Variants in TNPO1 observed in about 807,000 individuals in gnomAD.
The protein encoded by TNPO1 is transportin-1.
TNPO1 carries 8 observed loss-of-function variants against 119.5 expected under a neutral mutation model. The observed-to-expected ratio is 0.07, with a 90% CI of 0.04 to 0.12. The LOEUF (loss-of-function observed/expected upper bound fraction) is 0.12, where lower values mean the gene tolerates loss of function less well. Ranked by LOEUF, TNPO1 falls within the 10% of genes least tolerant of loss-of-function variation. The pLI, the probability that TNPO1 is intolerant of heterozygous loss-of-function variation, is 1.00. For synonymous variants in TNPO1, 362 were observed against 363.0 expected (o/e 1.00, Z 0.03); for missense variants, 576 against 1,089.8 (o/e 0.53, Z 6.64).
At chr5:72,905,257 A>G in intron 23 of TNPO1, 46 bp from the exon 24 acceptor site, 1 of 1,430,000 alleles carries the variant, frequency 7.0e-7, no homozygotes, top group Non-Finnish European at 9.7e-7. Flanking sequence ...GCTGATCTGA[A>G]TTTTTCTCTT....
intron 7 of TNPO1, among the ~76,000 whole-genome samples, chr5:72,875,003 G>GT (rs1747658201): frequency 6.6e-6 from 1 of 152,124 alleles, no homozygotes; most frequent in Non-Finnish European, 1.5e-5. Context: ...TCTTCTGCTG[G>GT]TTATCAAGTT....
At chr5:72,890,146 A>G (rs984592089) in intron 14 of TNPO1, among the ~76,000 whole-genome samples, 189 bp downstream of exon 14, 3 of 152,244 alleles carry the variant, frequency 2.0e-5, no homozygotes, top group Admixed American at 1.3e-4. Flanking sequence ...AAGTAAATAC[A>G]TACTTGGTGT....
intron 13 of TNPO1, 111 bp downstream of exon 13, chr5:72,888,414 A>G (rs1053409851): frequency 5.3e-6 from 5 of 944,540 alleles, no homozygotes; most frequent in Non-Finnish European, 7.8e-6. Context: ...GTAATTGAAA[A>G]TTTTCCAGTT....
intron 18 of TNPO1, among the ~76,000 whole-genome samples, chr5:72,894,005 A>T (rs1431816087): frequency 1.3e-5 from 2 of 152,242 alleles, no homozygotes; most frequent in Admixed American, 1.3e-4. Context: ...GGACTAGTTA[A>T]TAGATTCTTT....
intron 4 of TNPO1, among the ~76,000 whole-genome samples, chr5:72,856,158 TGGTTAAAATG>T (rs1027263769): frequency 1.3e-5 from 2 of 152,188 alleles, no homozygotes; most frequent in Non-Finnish European, 2.9e-5. Context: ...TAATCAGAGT[TGGTTAAAATG>T]GGGCATCAAC....
intron 14 of TNPO1, among the ~76,000 whole-genome samples, chr5:72,890,794 G>T (rs1748993050): frequency 1.3e-5 from 2 of 152,138 alleles, no homozygotes; most frequent in Admixed American, 6.5e-5. Flanking sequence ...AAGTTTACCT[G>T]TTGATTTAAA....
intron 7 of TNPO1, 58 bp from the exon 8 acceptor site, chr5:72,875,557 C>G: frequency 1.9e-6 from 3 of 1,561,922 alleles, no homozygotes; most frequent in South Asian, 2.3e-5. Flanking sequence ...TTGCAGATTA[C>G]TTATTACTTG....
chr5:72,855,472 C>T (rs1745921478), intron 3 of TNPO1, among the ~76,000 whole-genome samples: 1 of 152,096 alleles, frequency 6.6e-6, no homozygotes. Flanking sequence ...TATCTGGAAA[C>T]ATTTTTGGTT....
At chr5:72,840,824 T>C (rs1744879552) in intron 1 of TNPO1, among the ~76,000 whole-genome samples, 1 of 152,326 alleles carries the variant, frequency 6.6e-6, no homozygotes, top group Non-Finnish European at 1.5e-5. Flanking sequence ...CTATTTTCCA[T>C]TTTCTGTGTT....
In TNPO1 at chr5:72,897,049, T is replaced by C; in HGVS notation, c.2243-7T>C. The stretch of plus-strand genomic sequence containing the variant: ...TTTTGTTTTTTTCTTTTTGGGATGA[T>C]CTCTAGGTATAGAGATGCAGCCTTA... On this transcript the variant is annotated splice_polypyrimidine_tract_variant and splice_region_variant and intron_variant, in intron 19 of 24. Transcript: ENST00000337273. The C allele has an allele frequency of 2.6e-6, 4 of 1,556,884 alleles. No homozygotes were observed. Among genetic ancestry groups the C allele is most frequent in the Non-Finnish European group, 3.5e-6 (4 of 1,157,954 alleles).
rs566680225 is a variant in TNPO1, at chr5:72,886,546, A to G, written c.1151-524A>G. Reference sequence around the variant, plus strand: ...GTATGACAGTTATGTACAGAATACAATGTGTTCACAATTAATTTGCCAAGT... The same window carrying G: ...GTATGACAGTTATGTACAGAATACAGTGTGTTCACAATTAATTTGCCAAGT... On this transcript the variant is annotated intron_variant, in intron 11 of 24. Transcript: ENST00000337273. Among the ~76,000 whole-genome samples the G allele has an allele frequency of 1.8e-4, 27 of 152,342 alleles. No individual in the cohort carries two copies. The East Asian group carries it at 2.5e-3, about 14-fold the overall frequency.
rs193022219 is a variant in TNPO1, at chr5:72,817,321, C to T, written c.15+569C>T. ...GCCTCTTGGCCTCACGACATGTTTA[C>T]ATAATGTTTGTGACTGTACGAGTTT... On this transcript the variant is annotated intron_variant, in intron 1 of 24. Coordinates refer to ENST00000337273, the MANE Select transcript of TNPO1 (RefSeq NM_002270.4). Among the ~76,000 whole-genome samples, 239 of 152,324 alleles carry T rather than the reference C, an allele frequency of 1.6e-3. 6 individuals carry two copies. Among genetic ancestry groups the T allele is most frequent in the Admixed American group, 0.015 (231 of 15,310 alleles).
chr5:72,892,969 G>C (rs528554093), intron 15 of TNPO1, among the ~76,000 whole-genome samples, 170 bp from the exon 16 acceptor site: 1 of 133,380 alleles, frequency 7.5e-6, no homozygotes, highest in East Asian at 2.6e-4. Context: ...TAACAACAAT[G>C]AATGGCTTCC....
At chr5:72,880,571 T>C (rs1452133936) in intron 9 of TNPO1, among the ~76,000 whole-genome samples, 4 of 152,184 alleles carry the variant, frequency 2.6e-5, no homozygotes, top group Admixed American at 1.3e-4. Context: ...TCCCAGCACT[T>C]TGGGAGTCCA....
chr5:72,862,168 A>G (rs1746503103), intron 5 of TNPO1, among the ~76,000 whole-genome samples: 2 of 152,198 alleles, frequency 1.3e-5, no homozygotes, highest in Admixed American at 1.3e-4. Flanking sequence ...TTATTCTTGG[A>G]TGTATATGTA....
At position 72,862,984 on chromosome 5, in the gene TNPO1, G is replaced by T. The variant is rs551290333; in HGVS notation, c.462+1070G>T. 6.8e-3 allele frequency among the ~76,000 whole-genome samples: 864 copies of T among 127,886 alleles called. 9 individuals are homozygous for T. The highest frequency in any genetic ancestry group is 0.026 in the African/African-American group (827 of 32,120). The allele number at this position is 127,886 out of a possible 152,430, so 83.9% of individuals were successfully genotyped here. On this transcript the variant is annotated intron_variant, in intron 5 of 24. Coordinates refer to ENST00000337273, the MANE Select transcript of TNPO1 (RefSeq NM_002270.4). Reference sequence around the variant, plus strand: ...TGTAATCATACATTAACTCTGACCTGTGGGTTTTTGTGTGTGTGTGTGTGT... The same window carrying T: ...TGTAATCATACATTAACTCTGACCTTTGGGTTTTTGTGTGTGTGTGTGTGT...
chr5:72,863,440 T>C (rs923403815), intron 5 of TNPO1, among the ~76,000 whole-genome samples: 2 of 151,776 alleles, frequency 1.3e-5, no homozygotes, highest in African/African-American at 4.8e-5. Flanking sequence ...TAGAAGAAAT[T>C]GGCCAGGTGT....
In TNPO1 at chr5:72,904,055, G is replaced by A. The variant is rs1749966036; in HGVS notation, c.2589+272G>A. 3.9e-5 allele frequency among the ~76,000 whole-genome samples: 6 copies of A among 152,296 alleles called. No individual in the cohort carries two copies. The South Asian group carries it at 1.2e-3, about 32-fold the overall frequency. ...CCCATTATTCCATTTAAGGAAAATA[G>A]TATATGTTTTTCAAGATGGAAATGG... On this transcript the variant is annotated intron_variant, in intron 23 of 24. Coordinates refer to ENST00000337273, the MANE Select transcript of TNPO1 (RefSeq NM_002270.4).
At chr5:72,898,425 C>T (rs1380473560) in intron 20 of TNPO1, among the ~76,000 whole-genome samples, 3 of 151,926 alleles carry the variant, frequency 2.0e-5, no homozygotes, top group Admixed American at 6.6e-5. Flanking sequence ...TCATAATGCC[C>T]TAAAGTTGAT....
Sources: allele counts gnomAD v4.1 joint callset (sites outside exome capture counted in the v4.1 genomes callset), GRCh38; gene constraint gnomAD v4.1.1; transcripts MANE v1.5; gene names NCBI Gene and HGNC (gene_info 2026-07-23, HGNC 2026-07-21).